Variants in FBXW8 observed in about 807,000 individuals in gnomAD.
FBXW8 encodes the protein F-box/WD repeat-containing protein 8.
Under a neutral mutation model 65.3 loss-of-function variants are expected in FBXW8, and 57 were observed. The ratio of observed to expected loss-of-function variants is 0.87; its 90% confidence interval spans 0.71 to 1.09. The LOEUF is 1.09. Ranked by LOEUF, FBXW8 falls within the 50% of genes least tolerant of loss-of-function variation. The probability of loss-of-function intolerance (pLI) is 0.00; values close to 1 mark genes in which losing one functional copy is unlikely to be tolerated. For synonymous variants in FBXW8, 308 were observed against 330.2 expected, an observed-to-expected ratio of 0.93 and a Z score of 0.73; for missense variants, 777 against 814.8, an observed-to-expected ratio of 0.95 and a Z score of 0.57.
chr12:116,944,138 A>G (rs896093156), intron 2 of FBXW8, among the ~76,000 whole-genome samples: 1 of 152,218 alleles, frequency 6.6e-6, no homozygotes, highest in Non-Finnish European at 1.5e-5. Flanking sequence ...ATTAGCACAC[A>G]TTAAAACAAC....
intron 7 of FBXW8, among the ~76,000 whole-genome samples, chr12:117,005,330 G>A (rs1394202080): frequency 1.3e-5 from 2 of 152,184 alleles, no homozygotes; most frequent in East Asian, 1.9e-4. Context: ...AGTGAGATGC[G>A]GGAATGTGTA....
intron 7 of FBXW8, among the ~76,000 whole-genome samples, chr12:117,001,703 G>T (rs553554049): frequency 3.9e-5 from 6 of 152,116 alleles, no homozygotes; most frequent in Non-Finnish European, 7.4e-5. Flanking sequence ...TGGGGATGAG[G>T]CCTGTTGGGA....
chr12:116,988,766 C>A lies in FBXW8; in HGVS notation c.1136C>A (p.Thr379Asn), dbSNP rs1420514257. Residue 379 changes from threonine (T) to asparagine (N), a missense_variant, in exon 7 of 11, where the codon ACC (threonine) becomes AAC (asparagine). Transcript: ENST00000652555. Reference sequence around the variant, plus strand: ...CTCAAAGCCGAAGACTCCGCCAGAACCCTCCTTTACGCCCACGGCCCGCCT... The same window carrying A: ...CTCAAAGCCGAAGACTCCGCCAGAAACCTCCTTTACGCCCACGGCCCGCCT... ...YLLKAEDSAR[T>N]LLYAHGPPVT... 5.0e-6 allele frequency: 8 copies of A among 1,614,190 alleles called. No individual in the cohort carries two copies. The South Asian group carries it at 7.7e-5, about 16-fold the overall frequency.
At chr12:117,009,095 G>T (rs1953744803) in intron 7 of FBXW8, among the ~76,000 whole-genome samples, 1 of 151,996 alleles carries the variant, frequency 6.6e-6, no homozygotes, top group Admixed American at 6.6e-5. Flanking sequence ...CCTTTGGCTG[G>T]GTGCAGTGGC....
chr12:116,926,799 C>T (rs536853416), intron 1 of FBXW8, among the ~76,000 whole-genome samples: 1 of 152,064 alleles, frequency 6.6e-6, no homozygotes, highest in African/African-American at 2.4e-5. Flanking sequence ...AGTTAAATAC[C>T]ACATTTCCTT....
rs771336419 is a variant in FBXW8 at position 117,024,334 on chromosome 12, T to A, written c.1541+14T>A. On this transcript the variant is annotated intron_variant, in intron 9 of 10. Coordinates refer to ENST00000652555, the MANE Select transcript of FBXW8 (RefSeq NM_153348.3). ...GGTGTATTCCGGGTAAGGTGCATTC[T>A]AGACACTCTTGGGAGTTCCTAGTAG... The A allele has an allele frequency of 3.7e-6, 6 of 1,613,766 alleles. No individual in the cohort carries two copies. In the East Asian group the frequency reaches 1.3e-4, roughly 36 times the overall value.
intron 1 of FBXW8, among the ~76,000 whole-genome samples, chr12:116,912,361 A>T (rs12580123): frequency 6.6e-6 from 1 of 150,972 alleles, no homozygotes; most frequent in African/African-American, 2.4e-5. Flanking sequence ...CTAATTTTTT[A>T]AATTTTTTGG....
At chr12:116,956,182 CT>C (rs1883634835) in intron 4 of FBXW8, among the ~76,000 whole-genome samples, 1 of 152,106 alleles carries the variant, frequency 6.6e-6, no homozygotes, top group Non-Finnish European at 1.5e-5. Context: ...ATTTTCTCCC[CT>C]GGTTTCCGCC....
At chr12:116,938,231 A>T (rs528584350) in intron 2 of FBXW8, among the ~76,000 whole-genome samples, 2 of 152,126 alleles carry the variant, frequency 1.3e-5, no homozygotes, top group African/African-American at 2.4e-5. Context: ...CCCTCCTTTT[A>T]TAGTTTGCTA....
chr12:117,009,176 C>T (rs1427095833), intron 7 of FBXW8, among the ~76,000 whole-genome samples: 3 of 152,116 alleles, frequency 2.0e-5, no homozygotes, highest in African/African-American at 4.8e-5. Flanking sequence ...GTTTGAGACC[C>T]GGCTGGGCAA....
chr12:116,936,820 G>A lies in FBXW8; in HGVS notation c.424-8544G>A, dbSNP rs1471944342. On this transcript the variant is annotated intron_variant, in intron 2 of 10. Coordinates refer to ENST00000652555, the MANE Select transcript of FBXW8 (RefSeq NM_153348.3). This position sits in a 1 kb window ranked among gnomAD's most constrained non-coding sequence, Gnocchi z 4.6. ...ATAAGAGGAGGAGAGGACTCAGGAT[G>A]TGATAAGCGTTTAATCCATTAAAAG... Among the ~76,000 whole-genome samples, 9 of 152,298 alleles carry A rather than the reference G, an allele frequency of 5.9e-5. No homozygotes were observed. The highest frequency in any genetic ancestry group is 5.9e-5 in the Non-Finnish European group (4 of 68,026).
chr12:116,940,144 C>T lies in FBXW8; in HGVS notation c.424-5220C>T, dbSNP rs143966751. Reference sequence around the variant, plus strand: ...TGGTTAAGTGGATTTGTAACTGATGCTGTGGCCATGCCCAGGGTGGGCTGC... The same window carrying T: ...TGGTTAAGTGGATTTGTAACTGATGTTGTGGCCATGCCCAGGGTGGGCTGC... On this transcript the variant is annotated intron_variant, in intron 2 of 10. Coordinates refer to ENST00000652555, the MANE Select transcript of FBXW8 (RefSeq NM_153348.3). Among the ~76,000 whole-genome samples the T allele has an allele frequency of 2.5e-3, 384 of 152,304 alleles. 3 individuals carry two copies. In the Middle Eastern group the frequency reaches 0.027, roughly 11 times the overall value.
chr12:116,919,684 ATGTTTGT>A (rs1880729356), intron 1 of FBXW8, among the ~76,000 whole-genome samples: 1 of 152,040 alleles, frequency 6.6e-6, no homozygotes. Flanking sequence ...GGCCCTATCT[ATGTTTGT>A]TGAGTTGAAA....
At chr12:116,945,731 G>T (rs980277633) in intron 3 of FBXW8, among the ~76,000 whole-genome samples, 2 of 152,156 alleles carry the variant, frequency 1.3e-5, no homozygotes, top group African/African-American at 2.4e-5. Context: ...CAAGATTTGG[G>T]AACATCCTCT....
chr12:116,911,090 C>T lies in FBXW8; in HGVS notation c.53C>T (p.Ala18Val). The change falls in exon 1 of 11, where the codon GCG (alanine) becomes GTG (valine). Residue 18 changes from alanine to valine, a missense_variant. Ala to Val is a moderately conservative substitution (Grantham distance 64). Coordinates refer to ENST00000652555, the MANE Select transcript of FBXW8 (RefSeq NM_153348.3). ...CGTCGGCGCTGGCAGGAGGAGCTGGCGCAGGCCCAGGCGCCGAAGAAGCGG... is the reference window on the plus strand; with the variant it reads ...CGTCGGCGCTGGCAGGAGGAGCTGGTGCAGGCCCAGGCGCCGAAGAAGCGG... ...EFRRRWQEEL[A>V]QAQAPKKRRR... 3 of 1,436,712 alleles carry T rather than the reference C, an allele frequency of 2.1e-6. No homozygotes were observed. Among genetic ancestry groups the T allele is most frequent in the Non-Finnish European group, 1.8e-6 (2 of 1,103,818 alleles). 89.0% of individuals were successfully genotyped at this position (1,436,712 alleles called of 1,614,324 possible). A position where few individuals can be genotyped will look rare whatever the true frequency, so the allele number is the denominator to read the frequency against.
intron 7 of FBXW8, among the ~76,000 whole-genome samples, chr12:117,005,513 GCCTCCC>G (rs1353179344): frequency 1.3e-5 from 2 of 152,184 alleles, no homozygotes; most frequent in African/African-American, 2.4e-5. Flanking sequence ...GTGCTGCAGA[GCCTCCC>G]CTGACCTGCT....
intron 7 of FBXW8, among the ~76,000 whole-genome samples, chr12:116,998,090 A>C (rs1953423305): frequency 6.6e-6 from 1 of 152,216 alleles, no homozygotes; most frequent in African/African-American, 2.4e-5. Context: ...AAGTGCTGGG[A>C]TTACAGGTGT....
intron 7 of FBXW8, among the ~76,000 whole-genome samples, chr12:116,991,893 C>T (rs568821346): frequency 6.0e-4 from 91 of 152,262 alleles, no homozygotes; most frequent in African/African-American, 2.0e-3. Context: ...ATTCTTACAC[C>T]GTATGATGCC....
intron 7 of FBXW8, 115 bp from the exon 8 acceptor site, chr12:117,010,208 T>C: frequency 6.7e-7 from 1 of 1,484,324 alleles, no homozygotes; most frequent in Non-Finnish European, 9.2e-7. Context: ...TGGCAGAACA[T>C]CTTCACGGGA....
Sources: allele counts gnomAD v4.1 joint callset (sites outside exome capture counted in the v4.1 genomes callset), GRCh38; gene constraint gnomAD v4.1.1; non-coding constraint Gnocchi (gnomAD v3.1); transcripts MANE v1.5; gene names NCBI Gene and HGNC (gene_info 2026-07-23, HGNC 2026-07-21).